The following GTPBP4 variants were observed in gnomAD, a reference collection of about 807,000 sequenced individuals.
GTPBP4 encodes the protein GTP-binding protein 4.
GTPBP4 carries 15 observed loss-of-function variants against 81.7 expected under a neutral mutation model. The ratio of observed to expected loss-of-function variants is 0.18; its 90% CI spans 0.12 to 0.28. The LOEUF is 0.28. Ranked by LOEUF, GTPBP4 falls within the 10% of genes least tolerant of loss-of-function variation. The probability of loss-of-function intolerance (pLI) is 1.00; values close to 1 mark genes in which losing one functional copy is unlikely to be tolerated. For synonymous variants in GTPBP4, 272 were observed against 274.6 expected (o/e 0.99, Z 0.09); for missense variants, 847 against 793.8 (o/e 1.07, Z -0.81).
At chr10:990,753 G>GT in intron 1 of GTPBP4, among the ~76,000 whole-genome samples, 1 of 139,488 alleles carries the variant, frequency 7.2e-6, no homozygotes, top group Non-Finnish European at 1.5e-5. Flanking sequence ...AAAAAGTGGG[G>GT]TAAGTCATAT....
rs1832061872 is a variant in GTPBP4, at chr10:1,019,914, A to G, written c.*2687A>G. 5.7e-6 allele frequency: 6 copies of G among 1,052,314 alleles called. No homozygotes were observed. The highest frequency in any genetic ancestry group is 1.6e-5 in the African/African-American group (1 of 62,334). 65.2% of individuals were successfully genotyped at this position (1,052,314 alleles called of 1,614,324 possible). A position where few individuals can be genotyped will look rare whatever the true frequency, so the allele number is the denominator to read the frequency against. ...ACAGAAAAATAGAGAAAATAAACACATTTGTTTTCCTCAGAAAATGAACAC... is the reference window on the plus strand; with the variant it reads ...ACAGAAAAATAGAGAAAATAAACACGTTTGTTTTCCTCAGAAAATGAACAC... On this transcript the variant is annotated 3_prime_UTR_variant, in exon 17 of 17. Transcript: ENST00000360803.
At chr10:994,898 C>G (rs1166745726) in intron 2 of GTPBP4, among the ~76,000 whole-genome samples, 2 of 152,114 alleles carry the variant, frequency 1.3e-5, no homozygotes, top group Admixed American at 1.3e-4. Context: ...TGCTCTCATT[C>G]TGGTGGAGAA....
intron 8 of GTPBP4, among the ~76,000 whole-genome samples, chr10:1,004,335 ACT>A (rs941629363): frequency 6.6e-6 from 1 of 151,826 alleles, no homozygotes; most frequent in Non-Finnish European, 1.5e-5. Flanking sequence ...AAGAGTGGTG[ACT>A]CTGCAGCTCA....
Position 997,311 on chromosome 10 carries a change from T to C in GTPBP4, c.561+3T>C, listed in dbSNP as rs745700023. ...GGAAGTCCAGCTTCATCAACAAGGTTGGTCTGGTTTTTATCGTAAAGCAAA... is the reference window on the plus strand; with the variant it reads ...GGAAGTCCAGCTTCATCAACAAGGTCGGTCTGGTTTTTATCGTAAAGCAAA... On this transcript the variant is annotated splice_donor_region_variant and intron_variant, in intron 5 of 16. Coordinates refer to ENST00000360803, the MANE Select transcript of GTPBP4 (RefSeq NM_012341.3). 4.0e-6 allele frequency: 6 copies of C among 1,502,850 alleles called. No individual in the cohort carries two copies. In the South Asian group the frequency reaches 6.7e-5, roughly 17 times the overall value. 93.1% of individuals were successfully genotyped at this position (1,502,850 alleles called of 1,614,324 possible).
intron 10 of GTPBP4, chr10:1,008,095 C>T: frequency 2.2e-6 from 1 of 455,206 alleles, no homozygotes; most frequent in Non-Finnish European, 4.4e-6. Context: ...AAAGGCTTAC[C>T]ATTCATTCCA....
intron 6 of GTPBP4, among the ~76,000 whole-genome samples, chr10:1,000,135 CT>C (rs1361293855): frequency 2.0e-5 from 3 of 150,990 alleles, no homozygotes; most frequent in African/African-American, 7.3e-5. Context: ...GCTAGCATTT[CT>C]TTGAGCTCTA....
intron 2 of GTPBP4, among the ~76,000 whole-genome samples, chr10:994,774 A>T (rs898315165): frequency 1.3e-5 from 2 of 152,218 alleles, no homozygotes; most frequent in Non-Finnish European, 2.9e-5. Flanking sequence ...AGGACTAGTT[A>T]TCTGAGAACA....
chr10:1,007,197 C>T, intron 10 of GTPBP4, 69 bp downstream of exon 10: 2 of 823,040 alleles, frequency 2.4e-6, no homozygotes, highest in Non-Finnish European at 4.2e-6. Context: ...GTGCCTTTTC[C>T]AGAAGCCTCC....
At chr10:1,015,394 GT>G (rs1831961203) in intron 15 of GTPBP4, among the ~76,000 whole-genome samples, 1 of 127,104 alleles carries the variant, frequency 7.9e-6, no homozygotes. Context: ...GAGCCTGGGA[GT>G]GGACCTGGGG....
chr10:1,005,163 T>G (rs1589027600), intron 8 of GTPBP4, among the ~76,000 whole-genome samples: 1 of 151,560 alleles, frequency 6.6e-6, no homozygotes, highest in South Asian at 2.1e-4. Flanking sequence ...TTGTTTGTTT[T>G]AAGACGGAGT....
intron 8 of GTPBP4, among the ~76,000 whole-genome samples, chr10:1,002,128 G>A (rs1373253279): frequency 4.6e-5 from 7 of 151,998 alleles, no homozygotes; most frequent in Admixed American, 6.6e-5. Context: ...TTACCATACC[G>A]GCCAGGCTGG....
intron 2 of GTPBP4, 147 bp from the exon 3 acceptor site, chr10:995,782 T>C: frequency 1.7e-6 from 1 of 599,084 alleles, no homozygotes. Flanking sequence ...CTCAGAGGAC[T>C]AAATAGACAG....
At chr10:992,350 A>T (rs1384103801) in intron 1 of GTPBP4, 139 bp from the exon 2 acceptor site, 1 of 552,446 alleles carries the variant, frequency 1.8e-6, no homozygotes, top group Non-Finnish European at 3.2e-6. Flanking sequence ...CAGTGAGCCG[A>T]GATCGTGCCA....
chr10:1,007,645 T>C (rs1407989973), intron 10 of GTPBP4, among the ~76,000 whole-genome samples: 1 of 152,282 alleles, frequency 6.6e-6, no homozygotes, highest in East Asian at 1.9e-4. Context: ...TGTGTCTTCA[T>C]GTTTTACTGC....
At chr10:994,862 A>G (rs896492147) in intron 2 of GTPBP4, among the ~76,000 whole-genome samples, 3 of 152,224 alleles carry the variant, frequency 2.0e-5, no homozygotes, top group African/African-American at 4.8e-5. Context: ...TCTGAGTCCT[A>G]GGAATCCAGA....
chr10:1,007,024 G>C lies in GTPBP4; in HGVS notation c.1009G>C (p.Asp337His), dbSNP rs201467313. 6.2e-7 allele frequency: 1 copy of C among 1,604,890 alleles called. No individual in the cohort carries two copies. Among genetic ancestry groups the C allele is most frequent in the African/African-American group, 1.3e-5 (1 of 74,756 alleles). Residue 337 changes from aspartate (D) to histidine (H), a missense_variant, in exon 10 of 17, where the codon GAT (aspartate) becomes CAT (histidine). Physicochemically the swap from Asp to His is moderately conservative, Grantham distance 81. Around this residue, in one of 3 missense-constraint regions of GTPBP4, gnomAD observed 600 missense variants for 557.1 expected, o/e 1.08. Transcript: ENST00000360803. ...TTCTTTTTTACGTTATTAGGCTTGC[G>C]ATAGGCTTTTGGCTCATCGAGTGGA... ...GVIKVKTEAC[D>H]RLLAHRVETK...
chr10:1,016,116 T>C (rs578136578), intron 16 of GTPBP4, among the ~76,000 whole-genome samples: 6 of 152,296 alleles, frequency 3.9e-5, no homozygotes, highest in African/African-American at 1.2e-4. Context: ...CTTGGCACTT[T>C]GCTTTTGCGG....
At chr10:1,013,501 T>A (rs1831918154) in intron 14 of GTPBP4, among the ~76,000 whole-genome samples, 1 of 151,732 alleles carries the variant, frequency 6.6e-6, no homozygotes. Flanking sequence ...TCCCAGCTAC[T>A]CGGGAGGCTG....
At chr10:990,943 G>A (rs763892628) in intron 1 of GTPBP4, among the ~76,000 whole-genome samples, 2 of 151,842 alleles carry the variant, frequency 1.3e-5, no homozygotes, top group Non-Finnish European at 2.9e-5. Context: ...GCAGAAGAAC[G>A]TAGAGAAGAT....
Sources: allele counts gnomAD v4.1 joint callset (sites outside exome capture counted in the v4.1 genomes callset), GRCh38; gene constraint gnomAD v4.1.1; regional missense constraint gnomAD v4.1.1; transcripts MANE v1.5; gene names NCBI Gene and HGNC (gene_info 2026-07-23, HGNC 2026-07-21).